Variants in TRPM7 observed in about 807,000 individuals in gnomAD.
The protein encoded by TRPM7 is transient receptor potential cation channel subfamily M member 7, also known as LTRPC ion channel family member 7.
TRPM7 carries 134 observed loss-of-function variants against 229.7 expected under a neutral mutation model. The observed-to-expected ratio is 0.58, with a 90% CI of 0.51 to 0.67. The LOEUF is 0.67. Ranked by LOEUF, TRPM7 falls within the 30% of genes least tolerant of loss-of-function variation. The pLI is 0.00. For missense variants in TRPM7, 1,901 were observed against 2,210.0 expected (o/e 0.86, Z 2.80); for synonymous variants, 699 against 715.2 (o/e 0.98, Z 0.36).
At chr15:50,630,137 C>T (rs1478709882) in intron 10 of TRPM7, among the ~76,000 whole-genome samples, 1 of 152,128 alleles carries the variant, frequency 6.6e-6, no homozygotes, top group Non-Finnish European at 1.5e-5. Flanking sequence ...GCTGGGATTA[C>T]AGGTGTGAGC....
At position 50,589,673 on chromosome 15, in the gene TRPM7, G is replaced by T; in HGVS notation, c.4325-17C>A. On this transcript the variant is annotated splice_polypyrimidine_tract_variant and intron_variant, in intron 26 of 38. Coordinates refer to ENST00000646667, the MANE Select transcript of TRPM7 (RefSeq NM_017672.6). ...CTCTGTGTCCTTTAATAGAAAAAAA[G>T]ATGTTGCAATGAGAAATTTTTATTT... 1 of 1,550,964 alleles carries T rather than the reference G, an allele frequency of 6.4e-7. No individual in the cohort carries two copies. The highest frequency in any genetic ancestry group is 8.8e-7 in the Non-Finnish European group (1 of 1,141,894).
At chr15:50,613,678 C>T in intron 15 of TRPM7, 29 bp downstream of exon 15, 3 of 1,469,464 alleles carry the variant, frequency 2.0e-6, no homozygotes, top group African/African-American at 1.4e-5. Flanking sequence ...AATAAAAACC[C>T]AGAAAGAATA....
chr15:50,615,523 CTTA>C lies in TRPM7; in HGVS notation c.1495-1263_1495-1261del, dbSNP rs1567014997. Reference sequence around the variant, plus strand: ...AAACTGGTTAATTTTATTAAATAATCTTAAAGGGATTTAATCATCAGATAATTT... The same window carrying C: ...AAACTGGTTAATTTTATTAAATAATCAAGGGATTTAATCATCAGATAATTT... On this transcript the variant is annotated intron_variant, in intron 13 of 38. Coordinates refer to ENST00000646667, the MANE Select transcript of TRPM7 (RefSeq NM_017672.6). 2.8e-4 allele frequency among the ~76,000 whole-genome samples: 42 copies of C among 152,244 alleles called. No individual in the cohort carries two copies. In the East Asian group the frequency reaches 7.5e-3, roughly 27 times the overall value.
chr15:50,641,638 A>G (rs2061103821), intron 5 of TRPM7, among the ~76,000 whole-genome samples: 1 of 152,194 alleles, frequency 6.6e-6, no homozygotes, highest in South Asian at 2.1e-4. Context: ...CCATGAAGGT[A>G]GATATTTTTA....
At chr15:50,686,384 G>C in intron 1 of TRPM7, 147 bp downstream of exon 1, 1 of 1,363,616 alleles carries the variant, frequency 7.3e-7, no homozygotes, top group Non-Finnish European at 1.0e-6. Flanking sequence ...CACCCGTCCC[G>C]AGAGGACAAA....
chr15:50,678,282 C>G (rs2062146472), intron 1 of TRPM7, among the ~76,000 whole-genome samples: 1 of 144,050 alleles, frequency 6.9e-6, no homozygotes, highest in Non-Finnish European at 1.5e-5. Flanking sequence ...AAAACAAAAA[C>G]CAACACCTAG....
rs2060091716 is a variant in TRPM7 at position 50,612,610 on chromosome 15, A to T, written c.1990T>A (p.Tyr664Asn). 6.2e-7 allele frequency: 1 copy of T among 1,614,096 alleles called. No homozygotes were observed. Among genetic ancestry groups the T allele is most frequent in the Non-Finnish European group, 8.5e-7 (1 of 1,179,998 alleles). The change falls in exon 16 of 39, where the codon TAT (tyrosine) becomes AAT (asparagine). Residue 664 changes from tyrosine (Y) to asparagine (N), a missense_variant. Transcript: ENST00000646667. Reference protein sequence around the residue: ...VACKIYRSMAYEAKQSDLVDD... With the variant: ...VACKIYRSMANEAKQSDLVDD... ...ACCAGGTCACTCTGCTTTGCTTCAT[A>T]TGCCATTGAACGATAGATCTTACAG...
chr15:50,584,447 C>T (rs2054586094), intron 28 of TRPM7, among the ~76,000 whole-genome samples: 1 of 152,038 alleles, frequency 6.6e-6, no homozygotes, highest in South Asian at 2.1e-4. Flanking sequence ...TATGTTCGTT[C>T]TGGGAATACA....
At chr15:50,674,177 T>C (rs2062047664) in intron 1 of TRPM7, among the ~76,000 whole-genome samples, 1 of 152,140 alleles carries the variant, frequency 6.6e-6, no homozygotes, top group Non-Finnish European at 1.5e-5. Context: ...TTAGTAGAGA[T>C]GGGGTTTCAC....
At position 50,592,357 on chromosome 15, in the gene TRPM7, C is replaced by G. The variant is rs764524256; in HGVS notation, c.3878G>C (p.Gly1293Ala). The G allele has an allele frequency of 1.9e-6, 3 of 1,614,114 alleles. No individual in the cohort carries two copies. The highest frequency in any genetic ancestry group is 2.5e-6 in the Non-Finnish European group (3 of 1,180,006). Residue 1293 changes from glycine to alanine, a missense_variant, in exon 26 of 39, where the codon GGT becomes GCT. Transcript: ENST00000646667. ...AGAGGAGCTAAGTGTATTTACAACACCATGCTTTTTCCATACAGAAGGTCT... is the reference window on the plus strand; with the variant it reads ...AGAGGAGCTAAGTGTATTTACAACAGCATGCTTTTTCCATACAGAAGGTCT... ...PVRPSVWKKH[G>A]VVNTLSSSLP...
intron 30 of TRPM7, 111 bp downstream of exon 30, chr15:50,580,763 A>C (rs2054361076): frequency 1.1e-6 from 1 of 951,904 alleles, no homozygotes; most frequent in Non-Finnish European, 1.5e-6. Flanking sequence ...TAGAATAAAT[A>C]ATCATCACTC....
chr15:50,582,647 T>C (rs1041672810), intron 29 of TRPM7, among the ~76,000 whole-genome samples: 1 of 152,220 alleles, frequency 6.6e-6, no homozygotes, highest in African/African-American at 2.4e-5. Context: ...ATAATCTCTC[T>C]ATGCCAGAAC....
chr15:50,597,667 T>C (rs181524802), intron 22 of TRPM7, among the ~76,000 whole-genome samples: 2 of 152,222 alleles, frequency 1.3e-5, no homozygotes, highest in African/African-American at 4.8e-5. Flanking sequence ...TCCCAGAACT[T>C]TGGGAGGCCA....
Position 50,650,088 on chromosome 15 carries a change from G to A in TRPM7, c.123-1203C>T, listed in dbSNP as rs887737305. Among the ~76,000 whole-genome samples the A allele has an allele frequency of 1.1e-4, 16 of 150,332 alleles. No homozygotes were observed. The Admixed American group carries it at 1.1e-3, about 10-fold the overall frequency. On this transcript the variant is annotated intron_variant, in intron 3 of 38. Transcript: ENST00000646667. ...CGTGCCTGTAATCCCAGCTACTCAG[G>A]AGGCTGAGGCAGGAGAATCACTTGA...
At chr15:50,567,120 C>T (rs1166486433) in intron 38 of TRPM7, among the ~76,000 whole-genome samples, 2 of 151,588 alleles carry the variant, frequency 1.3e-5, no homozygotes, top group Non-Finnish European at 2.9e-5. Flanking sequence ...ATCAACAGTC[C>T]TATCTCTATT....
Position 50,604,958 on chromosome 15 carries a change from A to G in TRPM7, c.2896T>C (p.Cys966Arg). ...HVFVAGRLIY[C>R]LNIIFWYVRL... Reference sequence around the variant, plus strand: ...ACATACCAAAATATTATGTTAAGACAGTAAATTAATCTTCCAGCCACAAAA... The same window carrying G: ...ACATACCAAAATATTATGTTAAGACGGTAAATTAATCTTCCAGCCACAAAA... Residue 966 changes from cysteine to arginine, a missense_variant, in exon 21 of 39, where the codon TGT becomes CGT. Around this residue, in one of 8 missense-constraint regions of TRPM7, gnomAD observed 207 missense variants for 241.5 expected, o/e 0.86. Transcript: ENST00000646667. The G allele has an allele frequency of 6.2e-7, 1 of 1,613,958 alleles. No homozygotes were observed. The highest frequency in any genetic ancestry group is 1.7e-5 in the Admixed American group (1 of 60,006).
intron 28 of TRPM7, among the ~76,000 whole-genome samples, chr15:50,585,433 T>G (rs1368556004): frequency 6.6e-6 from 1 of 152,234 alleles, no homozygotes; most frequent in Non-Finnish European, 1.5e-5. Context: ...TCAAAATCCT[T>G]GTCTTGCTCC....
At chr15:50,582,367 T>C (rs2054463909) in intron 29 of TRPM7, 2 of 152,194 alleles carry the variant, frequency 1.3e-5, no homozygotes, top group South Asian at 4.1e-4. Context: ...ATGTCCATCA[T>C]CACTTTAAAC....
intron 12 of TRPM7, among the ~76,000 whole-genome samples, chr15:50,621,474 TGGGG>T (rs1368862509): frequency 6.6e-5 from 10 of 152,194 alleles, no homozygotes; most frequent in Non-Finnish European, 1.5e-5. Flanking sequence ...AAGTGTGACC[TGGGG>T]ACACCTGAGG....
Sources: allele counts gnomAD v4.1 joint callset (sites outside exome capture counted in the v4.1 genomes callset), GRCh38; gene constraint gnomAD v4.1.1; regional missense constraint gnomAD v4.1.1; transcripts MANE v1.5; gene names NCBI Gene and HGNC (gene_info 2026-07-23, HGNC 2026-07-21).